CNTNAP5: variants seen among roughly 807,000 people sequenced by gnomAD.
The protein encoded by CNTNAP5 is contactin-associated protein-like 5.
In CNTNAP5, 72 loss-of-function variants were observed where a neutral mutation model predicts 150.2. That is an observed-to-expected ratio of 0.48 (90% confidence interval 0.40 to 0.58). The LOEUF (loss-of-function observed/expected upper bound fraction) is 0.58, where lower values mean the gene tolerates loss of function less well. Ranked by LOEUF, CNTNAP5 falls within the 20% of genes least tolerant of loss-of-function variation. The pLI, the probability that CNTNAP5 is intolerant of heterozygous loss-of-function variation, is 0.00. For synonymous variants in CNTNAP5, 672 were observed against 619.8 expected (o/e 1.08, Z -1.25); for missense variants, 1,636 against 1,626.2 (o/e 1.01, Z -0.10).
At chr2:124,396,991 C>A (rs1417265134) in intron 3 of CNTNAP5, among the ~76,000 whole-genome samples, 1 of 152,210 alleles carries the variant, frequency 6.6e-6, no homozygotes, top group African/African-American at 2.4e-5. Context: ...TAACACTAAG[C>A]ATCACTGCAT....
intron 6 of CNTNAP5, among the ~76,000 whole-genome samples, chr2:124,472,928 C>T (rs1466828121): frequency 6.6e-6 from 1 of 151,870 alleles, no homozygotes; most frequent in African/African-American, 2.4e-5. Context: ...CTGTGAAGTA[C>T]AACAAAGCGA....
At chr2:124,062,244 C>T (rs1426639036) in intron 1 of CNTNAP5, among the ~76,000 whole-genome samples, 3 of 152,154 alleles carry the variant, frequency 2.0e-5, no homozygotes, top group Non-Finnish European at 2.9e-5. Context: ...ATGAACTGCT[C>T]CTATTATTAT....
chr2:124,707,307 A>G (rs909348722), intron 13 of CNTNAP5, among the ~76,000 whole-genome samples: 18 of 152,290 alleles, frequency 1.2e-4, no homozygotes, highest in African/African-American at 4.1e-4. Flanking sequence ...GAGAGAAAAG[A>G]TGAGGCATGG....
chr2:124,675,549 T>C (rs1017293287), intron 13 of CNTNAP5, among the ~76,000 whole-genome samples: 4 of 152,288 alleles, frequency 2.6e-5, no homozygotes, highest in African/African-American at 9.6e-5. Context: ...GGAATTACAA[T>C]TGGCACCTTA....
intron 17 of CNTNAP5, among the ~76,000 whole-genome samples, chr2:124,775,382 T>C (rs191439598): frequency 1.2e-4 from 19 of 152,284 alleles, no homozygotes; most frequent in Admixed American, 5.9e-4. Flanking sequence ...GGAAAAGATA[T>C]CATTGGCGTG....
chr2:124,190,090 T>C (rs2104693126), intron 1 of CNTNAP5, among the ~76,000 whole-genome samples: 1 of 152,370 alleles, frequency 6.6e-6, no homozygotes. Flanking sequence ...CCTTCATGCT[T>C]GAATTAAAAA....
At chr2:124,672,553 C>T (rs1678846570) in intron 13 of CNTNAP5, among the ~76,000 whole-genome samples, 2 of 152,168 alleles carry the variant, frequency 1.3e-5, no homozygotes, top group African/African-American at 4.8e-5. Flanking sequence ...CTTTGGTCCT[C>T]AAGGCCTTTA....
At chr2:124,349,892 T>C in intron 3 of CNTNAP5, among the ~76,000 whole-genome samples, 1 of 136,460 alleles carries the variant, frequency 7.3e-6, no homozygotes, top group African/African-American at 2.8e-5. Flanking sequence ...TTTTTTTTTT[T>C]TTTTTTTTTT....
chr2:124,909,643 C>A (rs1377775306), intron 22 of CNTNAP5, among the ~76,000 whole-genome samples: 1 of 151,074 alleles, frequency 6.6e-6, no homozygotes, highest in African/African-American at 2.4e-5. Flanking sequence ...CCCTCCCTCC[C>A]TTTCTTTCTT....
chr2:124,467,388 T>C (rs758845507), intron 6 of CNTNAP5, among the ~76,000 whole-genome samples: 6 of 151,716 alleles, frequency 4.0e-5, no homozygotes, highest in Non-Finnish European at 7.4e-5. Flanking sequence ...GGAGACTAGC[T>C]TGAGGATGAT....
At chr2:124,482,343 C>A (rs1693779706) in intron 7 of CNTNAP5, among the ~76,000 whole-genome samples, 1 of 152,034 alleles carries the variant, frequency 6.6e-6, no homozygotes, top group African/African-American at 2.4e-5. Flanking sequence ...ACGTTTTATA[C>A]CAAAAAATAT....
chr2:124,856,586 T>C (rs1677379723), intron 19 of CNTNAP5, among the ~76,000 whole-genome samples: 1 of 152,148 alleles, frequency 6.6e-6, no homozygotes, highest in South Asian at 2.1e-4. Flanking sequence ...TCCCTGATCA[T>C]GAGTGATGTT....
At chr2:124,643,810 C>T (rs1486588807) in intron 12 of CNTNAP5, among the ~76,000 whole-genome samples, 2 of 152,346 alleles carry the variant, frequency 1.3e-5, no homozygotes, top group East Asian at 3.9e-4. Flanking sequence ...AAAAGCTTTA[C>T]TGCTGACATG....
chr2:124,728,103 A>G (rs1476702287), intron 13 of CNTNAP5, among the ~76,000 whole-genome samples: 4 of 152,168 alleles, frequency 2.6e-5, no homozygotes, highest in Admixed American at 2.6e-4. Flanking sequence ...GGTGTATCAC[A>G]TTTATTGATT....
intron 1 of CNTNAP5, among the ~76,000 whole-genome samples, chr2:124,155,091 T>C (rs1250045141): frequency 6.6e-6 from 1 of 151,160 alleles, no homozygotes; most frequent in Non-Finnish European, 1.5e-5. Context: ...TTTTTTTTTT[T>C]TTTTTTTGAT....
intron 3 of CNTNAP5, among the ~76,000 whole-genome samples, chr2:124,325,666 C>A (rs761694603): frequency 1.1e-4 from 16 of 152,158 alleles, no homozygotes; most frequent in Non-Finnish European, 2.2e-4. Flanking sequence ...CACTTTGGCT[C>A]CCTGAGCCTC....
intron 12 of CNTNAP5, among the ~76,000 whole-genome samples, chr2:124,621,155 G>C (rs1443305681): frequency 6.6e-6 from 1 of 152,164 alleles, no homozygotes; most frequent in Non-Finnish European, 1.5e-5. Context: ...AGGACACACT[G>C]TCAATGTGTT....
chr2:124,090,180 A>G (rs902366440), intron 1 of CNTNAP5, among the ~76,000 whole-genome samples: 11 of 152,246 alleles, frequency 7.2e-5, no homozygotes, highest in Non-Finnish European at 1.6e-4. Flanking sequence ...TTATTTAGCA[A>G]AGTCATATGG....
Position 124,039,408 on chromosome 2 carries a change from C to T in CNTNAP5, c.82+13676C>T, listed in dbSNP as rs114122944. On this transcript the variant is annotated intron_variant, in intron 1 of 23. Coordinates refer to ENST00000682447, the MANE Select transcript of CNTNAP5 (RefSeq NM_001367498.1). The stretch of plus-strand genomic sequence containing the variant: ...CAGAAAGCCTGGATGAGGGATAATA[C>T]GGGGCAAACCCCTGAGTGTTGGCTT... 4.6e-3 allele frequency among the ~76,000 whole-genome samples: 702 copies of T among 152,220 alleles called. 7 individuals are homozygous for T. Among genetic ancestry groups the T allele is most frequent in the African/African-American group, 0.016 (675 of 41,522 alleles).
Sources: gnomAD v4.1 joint callset for allele counts (sites outside exome capture counted in the v4.1 genomes callset) on GRCh38, gnomAD v4.1.1 for gene constraint, MANE v1.5 for transcripts, NCBI Gene and HGNC (gene_info 2026-07-23, HGNC 2026-07-21) for gene names.